Variants in ATP7B observed in about 807,000 individuals in gnomAD.
The protein encoded by ATP7B is copper-transporting ATPase 2.
A neutral mutation model predicts 118.9 loss-of-function variants in ATP7B; 113 were observed. The observed-to-expected ratio is 0.95, with a 90% confidence interval of 0.82 to 1.11. The LOEUF is 1.11. Ranked by LOEUF, ATP7B falls within the 50% of genes most tolerant of loss-of-function variation. The pLI, the probability that ATP7B is intolerant of heterozygous loss-of-function variation, is 0.00. For synonymous variants in ATP7B, 777 were observed against 727.4 expected, an observed-to-expected ratio of 1.07 and a Z score of -1.10; for missense variants, 1,867 against 1,871.4, an observed-to-expected ratio of 1.00 and a Z score of 0.04.
At position 51,946,461 on chromosome 13, in the gene ATP7B, G is replaced by A. The variant is rs1182144320; in HGVS notation, c.2883C>T (p.Ile961=). ...QRYFPNPNKH[I]SQTEVIIRFA... is the part of the protein sequence containing the mutation. ...ACCGGATGATCACCTCTGTCTGGGA[G>A]ATGTGCTTGTTGGGGTTCTGAAAAC... The change falls in exon 13 of 21, where the codon ATC becomes ATT. Residue 961 remains isoleucine, a synonymous_variant. Coordinates refer to ENST00000242839, the MANE Select transcript of ATP7B (RefSeq NM_000053.4). The A allele has an allele frequency of 1.2e-6, 2 of 1,614,228 alleles. No homozygotes were observed. The highest frequency in any genetic ancestry group is 1.7e-6 in the Non-Finnish European group (2 of 1,180,034).
chr13:51,960,024 G>A, intron 7 of ATP7B, 124 bp downstream of exon 7: 1 of 1,338,038 alleles, frequency 7.5e-7, no homozygotes, highest in Non-Finnish European at 1.1e-6. Flanking sequence ...GGGTGGGGCA[G>A]GAAAGCTGCA....
At chr13:51,992,187 C>G (rs899516827) in intron 1 of ATP7B, among the ~76,000 whole-genome samples, 12 of 150,376 alleles carry the variant, frequency 8.0e-5, no homozygotes, top group Non-Finnish European at 1.8e-4. Context: ...TAGGCATAAA[C>G]AGCAATTTTT....
At chr13:52,010,697 T>G (rs1254654896) in intron 1 of ATP7B, among the ~76,000 whole-genome samples, 1 of 152,262 alleles carries the variant, frequency 6.6e-6, no homozygotes, top group Non-Finnish European at 1.5e-5. Context: ...ACATGTCTTG[T>G]TAACCACTGT....
chr13:51,934,724 A>G lies in ATP7B; in HGVS notation c.*32T>C. The G allele has an allele frequency of 6.2e-7, 1 of 1,610,804 alleles. No homozygotes were observed. The highest frequency in any genetic ancestry group is 8.5e-7 in the Non-Finnish European group (1 of 1,180,014). ...GCTCAGCTTGTGGTGAGTGGAGGCAAGTCCCTGCCCCGGCCCGCCTGCCTG... is the reference window on the plus strand; with the variant it reads ...GCTCAGCTTGTGGTGAGTGGAGGCAGGTCCCTGCCCCGGCCCGCCTGCCTG... On this transcript the variant is annotated 3_prime_UTR_variant, in exon 21 of 21. Coordinates refer to ENST00000242839, the MANE Select transcript of ATP7B (RefSeq NM_000053.4).
At position 52,011,292 on chromosome 13, in the gene ATP7B, G is replaced by C; in HGVS notation, c.46C>G (p.Arg16Gly). Residue 16 changes from arginine (R) to glycine (G), a missense_variant, in exon 1 of 21, where the codon CGG (arginine) becomes GGG (glycine). Transcript: ENST00000242839. ...RQITAREGAS[R>G]KILSKLSLPT... ...CGCGGGGGAACAAAACTCACTTTCCGACTGGCCCCTTCTCTGGCTGTGATC... is the reference window on the plus strand; with the variant it reads ...CGCGGGGGAACAAAACTCACTTTCCCACTGGCCCCTTCTCTGGCTGTGATC... 1 of 1,614,198 alleles carries C rather than the reference G, an allele frequency of 6.2e-7. No individual in the cohort carries two copies. Among genetic ancestry groups the C allele is most frequent in the African/African-American group, 1.3e-5 (1 of 75,052 alleles).
rs778963465 is a variant in ATP7B at position 51,961,910 on chromosome 13, T to C, written c.1873A>G (p.Ile625Val). Reference protein sequence around the residue: ...PRDIIKIIEEIGFHASLAQRN... With the variant: ...PRDIIKIIEEVGFHASLAQRN... ...TGGGCCAGGGAAGCATGAAAGCCAATTTCCTTGTCATTAAAAAGAGAGGGG... is the reference window on the plus strand; with the variant it reads ...TGGGCCAGGGAAGCATGAAAGCCAACTTCCTTGTCATTAAAAAGAGAGGGG... Residue 625 changes from isoleucine (I) to valine (V), a missense_variant, in exon 6 of 21, where the codon ATT becomes GTT. By Grantham distance (29) the Ile-to-Val change is conservative. Coordinates refer to ENST00000242839, the MANE Select transcript of ATP7B (RefSeq NM_000053.4). The C allele has an allele frequency of 3.7e-5, 59 of 1,613,454 alleles. No homozygotes were observed. The highest frequency in any genetic ancestry group is 4.8e-5 in the Non-Finnish European group (57 of 1,179,522).
Position 51,941,212 on chromosome 13 carries a change from T to TG in ATP7B, c.3424dup (p.Gln1142ProfsTer11), listed in dbSNP as rs867501285. On this transcript the variant is annotated frameshift_variant, in exon 16 of 21. Coordinates refer to ENST00000242839, the MANE Select transcript of ATP7B (RefSeq NM_000053.4). LOFTEE classifies it high-confidence loss of function. ...GTTTCCAATCAGCACAGAGAAGGTCTGGGGGACTGCATCTATTCAAAAGAG... is the reference window on the plus strand; with the variant it reads ...GTTTCCAATCAGCACAGAGAAGGTCTGGGGGGACTGCATCTATTCAAAAGAG... 1 of 1,614,108 alleles carries TG rather than the reference T, an allele frequency of 6.2e-7. No homozygotes were observed.
intron 1 of ATP7B, among the ~76,000 whole-genome samples, chr13:51,992,979 C>CAAAAAAAAA (rs58319382): frequency 4.8e-5 from 3 of 62,930 alleles, no homozygotes; most frequent in Non-Finnish European, 7.9e-5. Context: ...GACTCTGTCT[C>CAAAAAAAAA]AAAAAAAAAA....
In ATP7B at chr13:51,968,422, G is replaced by A. The variant is rs183834790; in HGVS notation, c.1707+22C>T. ...CAAACTGTCAGAAGCCTGTAACCCCGTAACGCACCCACAGTACTTACTGTC... is the reference window on the plus strand; with the variant it reads ...CAAACTGTCAGAAGCCTGTAACCCCATAACGCACCCACAGTACTTACTGTC... On this transcript the variant is annotated intron_variant, in intron 4 of 20. Transcript: ENST00000242839. 203 of 1,613,980 alleles carry A rather than the reference G, an allele frequency of 1.3e-4. No homozygotes were observed. In the African/African-American group the frequency reaches 1.7e-3, roughly 14 times the overall value.
chr13:52,008,883 C>T (rs115508314), intron 1 of ATP7B, among the ~76,000 whole-genome samples: 7,728 of 151,260 alleles, frequency 0.051, 249 homozygotes, highest in South Asian at 0.091. Context: ...CTTTTCTTTT[C>T]TTTTTTTTTG....
chr13:51,954,326 A>G (rs1309205283), intron 9 of ATP7B, among the ~76,000 whole-genome samples: 1 of 152,252 alleles, frequency 6.6e-6, no homozygotes, highest in Non-Finnish European at 1.5e-5. Flanking sequence ...CCTCACTGCC[A>G]CGTTAGGAAG....
intron 1 of ATP7B, among the ~76,000 whole-genome samples, chr13:52,008,028 TGTG>T (rs2140680603): frequency 6.6e-6 from 1 of 152,006 alleles, no homozygotes; most frequent in African/African-American, 2.4e-5. Flanking sequence ...AAGCTCTATT[TGTG>T]ATCCACTGCA....
intron 3 of ATP7B, among the ~76,000 whole-genome samples, chr13:51,969,722 T>C (rs981667060): frequency 6.6e-6 from 1 of 152,236 alleles, no homozygotes; most frequent in African/African-American, 2.4e-5. Flanking sequence ...GCTAATTTTA[T>C]GAGCAGTCAG....
Position 51,966,830 on chromosome 13 carries a change from T to C in ATP7B, c.1707+1614A>G, listed in dbSNP as rs1025138639. 11 of 1,613,176 alleles carry C rather than the reference T, an allele frequency of 6.8e-6. No individual in the cohort carries two copies. In the Admixed American group the frequency reaches 1.0e-4, roughly 15 times the overall value. ...TACATGAAGGAGCTAGGAGTGGGAA[T>C]AGCTTTGCAAAAAATGGGCGCAATG... On this transcript the variant is annotated intron_variant, in intron 4 of 20. Transcript: ENST00000242839.
chr13:51,988,591 A>T (rs937882676), intron 1 of ATP7B, among the ~76,000 whole-genome samples: 1 of 152,208 alleles, frequency 6.6e-6, no homozygotes, highest in African/African-American at 2.4e-5. Flanking sequence ...ATTCTACGAT[A>T]AAGACACACG....
In ATP7B at chr13:51,933,223, T is replaced by C. The variant is rs1956793250; in HGVS notation, c.*1533A>G. 6.6e-6 allele frequency: 1 copy of C among 152,178 alleles called. No individual in the cohort carries two copies. Among genetic ancestry groups the C allele is most frequent in the South Asian group, 2.1e-4 (1 of 4,832 alleles). The allele number at this position is 152,178 out of a possible 1,614,324, so 9.4% of individuals were successfully genotyped here. A position where few individuals can be genotyped will look rare whatever the true frequency, so the allele number is the denominator to read the frequency against. The stretch of plus-strand genomic sequence containing the variant: ...ACTTCTATTCAAGGTAGAAGGACAA[T>C]AAGAGTGAAGCCTTCACAGCTGACA... On this transcript the variant is annotated 3_prime_UTR_variant, in exon 21 of 21. Transcript: ENST00000242839.
At position 51,944,410 on chromosome 13, in the gene ATP7B, G is replaced by T. The variant is rs1306386924; in HGVS notation, c.3061-119C>A. On this transcript the variant is annotated intron_variant, in intron 13 of 20. Transcript: ENST00000242839. The stretch of plus-strand genomic sequence containing the variant: ...AGACAGGAAACAAGACACCTGCACA[G>T]CTTCCTAACGTGATCCTCTGTCGTT... 5.7e-6 allele frequency: 7 copies of T among 1,219,474 alleles called. No individual in the cohort carries two copies. In the African/African-American group the frequency reaches 9.0e-5, roughly 16 times the overall value. 75.5% of individuals were successfully genotyped at this position (1,219,474 alleles called of 1,614,324 possible).
rs542078869 is a variant in ATP7B at position 52,009,584 on chromosome 13, G to A, written c.51+1703C>T. Among the ~76,000 whole-genome samples the A allele has an allele frequency of 1.3e-4, 20 of 152,292 alleles. No homozygotes were observed. The South Asian group carries it at 3.9e-3, about 30-fold the overall frequency. On this transcript the variant is annotated intron_variant, in intron 1 of 20. Coordinates refer to ENST00000242839, the MANE Select transcript of ATP7B (RefSeq NM_000053.4). ...CTTCCTTTGAGATCTTATGTTGTAA[G>A]ACTCTCACGGCACGTTAGTAAATGT...
rs1957894730 is a variant in ATP7B, at chr13:51,949,996, T to G, written c.2730+11A>C. ...GAAAGATGAAGTTAGTTTTAAAAATTTCTTCATTACCTTTGACATCTGAGC... is the reference window on the plus strand; with the variant it reads ...GAAAGATGAAGTTAGTTTTAAAAATGTCTTCATTACCTTTGACATCTGAGC... On this transcript the variant is annotated intron_variant, in intron 11 of 20. Coordinates refer to ENST00000242839, the MANE Select transcript of ATP7B (RefSeq NM_000053.4). The G allele has an allele frequency of 1.9e-6, 3 of 1,614,088 alleles. No homozygotes were observed. Among genetic ancestry groups the G allele is most frequent in the African/African-American group, 1.3e-5 (1 of 74,944 alleles).
Sources: allele counts gnomAD v4.1 joint callset (sites outside exome capture counted in the v4.1 genomes callset), GRCh38; gene constraint gnomAD v4.1.1; transcripts MANE v1.5; gene names NCBI Gene and HGNC (gene_info 2026-07-23, HGNC 2026-07-21).